RIMKLA: variants seen among roughly 807,000 people sequenced by gnomAD.
RIMKLA encodes N-acetylaspartylglutamate synthase A.
In RIMKLA, 14 loss-of-function variants were observed where a neutral mutation model predicts 32.7. The observed-to-expected ratio is 0.43, with a 90% CI of 0.28 to 0.67. RIMKLA has a LOEUF of 0.67. RIMKLA is among the 30% of genes least tolerant of loss of function. RIMKLA has a pLI of 0.18. For synonymous variants in RIMKLA, 176 were observed against 204.1 expected, an observed-to-expected ratio of 0.86 and a Z score of 1.18; for missense variants, 410 against 519.0, an observed-to-expected ratio of 0.79 and a Z score of 2.04.
At chr1:42,395,819 G>A (rs1421961715) in intron 1 of RIMKLA, among the ~76,000 whole-genome samples, 1 of 152,210 alleles carries the variant, frequency 6.6e-6, no homozygotes, top group Non-Finnish European at 1.5e-5. Context: ...CCTTGGCCAT[G>A]GCTGTGTATA....
At chr1:42,384,599 ATATG>A (rs894555104) in intron 1 of RIMKLA, among the ~76,000 whole-genome samples, 13 of 129,566 alleles carry the variant, frequency 1.0e-4, no homozygotes, top group South Asian at 4.9e-4. Flanking sequence ...ATATATGTAT[ATATG>A]TATGTATATA....
chr1:42,391,960 T>C (rs1292939052), intron 1 of RIMKLA, among the ~76,000 whole-genome samples: 2 of 152,188 alleles, frequency 1.3e-5, no homozygotes, highest in East Asian at 1.9e-4. Flanking sequence ...AGGCCAATAC[T>C]GTATCCACTT....
chr1:42,391,553 A>G (rs141444220), intron 1 of RIMKLA, among the ~76,000 whole-genome samples: 78 of 152,276 alleles, frequency 5.1e-4, no homozygotes, highest in Middle Eastern at 3.4e-3. Flanking sequence ...ACTCAGAAAA[A>G]GAAGGAAAGT....
chr1:42,394,154 A>G (rs1015289170), intron 1 of RIMKLA, among the ~76,000 whole-genome samples: 1 of 152,224 alleles, frequency 6.6e-6, no homozygotes, highest in Non-Finnish European at 1.5e-5. Context: ...CCACTGTTAC[A>G]TGATCCTGCT....
intron 1 of RIMKLA, among the ~76,000 whole-genome samples, chr1:42,384,533 A>ATG (rs1642918306): frequency 2.1e-5 from 3 of 144,080 alleles, no homozygotes; most frequent in African/African-American, 5.2e-5. Context: ...GTATATATAC[A>ATG]TATATATGTA....
chr1:42,393,963 T>A (rs970049857), intron 1 of RIMKLA, among the ~76,000 whole-genome samples: 1 of 152,174 alleles, frequency 6.6e-6, no homozygotes, highest in Non-Finnish European at 1.5e-5. Flanking sequence ...TTTTGTATTT[T>A]AGGCAGAGAC....
At chr1:42,385,208 T>A (rs1208701210) in intron 1 of RIMKLA, among the ~76,000 whole-genome samples, 1 of 152,208 alleles carries the variant, frequency 6.6e-6, no homozygotes, top group African/African-American at 2.4e-5. Flanking sequence ...AAAAGCTACT[T>A]TGAAGTATGT....
intron 1 of RIMKLA, among the ~76,000 whole-genome samples, chr1:42,392,738 TC>T (rs1372631148): frequency 6.6e-6 from 1 of 152,100 alleles, no homozygotes; most frequent in Non-Finnish European, 1.5e-5. Flanking sequence ...GTTTATGAAA[TC>T]CCAGCACTTT....
chr1:42,384,551 GTGTGTATATATACATATATA>G (rs1190846710), intron 1 of RIMKLA, among the ~76,000 whole-genome samples: 101 of 145,244 alleles, frequency 7.0e-4, no homozygotes, highest in Admixed American at 1.2e-3. Context: ...GTATATATAT[GTGTGTATATATACATATATA>G]TGTGTATATA....
chr1:42,382,274 C>T (rs376058743), intron 1 of RIMKLA, among the ~76,000 whole-genome samples: 1 of 152,178 alleles, frequency 6.6e-6, no homozygotes, highest in African/African-American at 2.4e-5. Flanking sequence ...CTATCAGATG[C>T]AACCGGTACC....
intron 4 of RIMKLA, chr1:42,412,521 C>T: frequency 2.3e-6 from 1 of 442,132 alleles, no homozygotes; most frequent in South Asian, 1.7e-5. Context: ...GGAATGGGAG[C>T]AGATTATTCT....
intron 2 of RIMKLA, among the ~76,000 whole-genome samples, chr1:42,402,158 G>T (rs1643103468): frequency 6.6e-6 from 1 of 152,132 alleles, no homozygotes; most frequent in Non-Finnish European, 1.5e-5. Context: ...GGTCTTGTTA[G>T]TATTCTAGAG....
intron 1 of RIMKLA, among the ~76,000 whole-genome samples, chr1:42,382,706 C>G (rs970378132): frequency 2.0e-5 from 3 of 152,056 alleles, no homozygotes; most frequent in African/African-American, 7.2e-5. Flanking sequence ...TGCTCTGTAT[C>G]TAAAACCTCA....
chr1:42,402,772 G>A (rs1020555828), intron 2 of RIMKLA, among the ~76,000 whole-genome samples: 6 of 151,918 alleles, frequency 3.9e-5, no homozygotes, highest in African/African-American at 1.2e-4. Context: ...TGTATTTTTT[G>A]TAGAGATGGG....
At chr1:42,414,293 A>C (rs1025263278) in intron 4 of RIMKLA, among the ~76,000 whole-genome samples, 191 bp from the exon 5 acceptor site, 1 of 152,108 alleles carries the variant, frequency 6.6e-6, no homozygotes, top group Admixed American at 6.5e-5. Context: ...GTCAGAGGAA[A>C]TCAGCATTTT....
rs981341498 is a variant in RIMKLA at position 42,419,256 on chromosome 1, C to G, written c.*4282C>G. On this transcript the variant is annotated 3_prime_UTR_variant, in exon 5 of 5. Coordinates refer to ENST00000431473, the MANE Select transcript of RIMKLA (RefSeq NM_173642.4). ...TTTCTTCTTTTAAGCCTTTCCATTT[C>G]CTTCTCTAGGTACAGCTCCTGTGCC... 35 of 152,318 alleles carry G rather than the reference C, an allele frequency of 2.3e-4. No homozygotes were observed. Among genetic ancestry groups the G allele is most frequent in the African/African-American group, 7.7e-4 (32 of 41,548 alleles). 9.4% of individuals were successfully genotyped at this position (152,318 alleles called of 1,614,324 possible).
Position 42,423,381 on chromosome 1 carries a change from C to T in RIMKLA, c.*8407C>T, listed in dbSNP as rs1365389299. Among the ~76,000 whole-genome samples, 1 of 152,178 alleles carries T rather than the reference C, an allele frequency of 6.6e-6. No homozygotes were observed. The highest frequency in any genetic ancestry group is 1.9e-4 in the East Asian group (1 of 5,198). On this transcript the variant is annotated 3_prime_UTR_variant, in exon 5 of 5. Transcript: ENST00000431473. ...CCCAGAAAAGGACGTTTCCATTTGC[C>T]TTTACCACATATAAAAAGATTAGCA... is the stretch of plus-strand genomic sequence containing the variant.
intron 1 of RIMKLA, among the ~76,000 whole-genome samples, chr1:42,393,050 A>G (rs1047758056): frequency 1.3e-5 from 2 of 152,240 alleles, no homozygotes; most frequent in Admixed American, 1.3e-4. Context: ...ACTGAAGTGC[A>G]TGTACTAAGC....
rs1449613553 is a variant in RIMKLA, at chr1:42,423,271, A to G, written c.*8297A>G. 6.6e-6 allele frequency among the ~76,000 whole-genome samples: 1 copy of G among 152,210 alleles called. No individual in the cohort carries two copies. Among genetic ancestry groups the G allele is most frequent in the Non-Finnish European group, 1.5e-5 (1 of 68,042 alleles). On this transcript the variant is annotated 3_prime_UTR_variant, in exon 5 of 5. Coordinates refer to ENST00000431473, the MANE Select transcript of RIMKLA (RefSeq NM_173642.4). ...ATTCATATTGTCCTTGAACCCAAAC[A>G]CTGGGGAATGTGGCCTATGTTTCTT...
Sources: gnomAD v4.1 joint callset for allele counts (sites outside exome capture counted in the v4.1 genomes callset) on GRCh38, gnomAD v4.1.1 for gene constraint, MANE v1.5 for transcripts, NCBI Gene and HGNC (gene_info 2026-07-23, HGNC 2026-07-21) for gene names.